SGK3: variants seen among roughly 807,000 people sequenced by gnomAD.
SGK3 encodes serine/threonine-protein kinase Sgk3.
In SGK3, 47 loss-of-function variants were observed where a neutral mutation model predicts 68.5. That is an observed-to-expected ratio of 0.69 (90% CI 0.54 to 0.87). The LOEUF is 0.87. Among genes scored for constraint, SGK3 ranks in the 40% least tolerant of loss-of-function variants. SGK3 has a pLI of 0.00. For synonymous variants in SGK3, 181 were observed against 189.1 expected (o/e 0.96, Z 0.35); for missense variants, 479 against 575.5 (o/e 0.83, Z 1.72).
intron 3 of SGK3, among the ~76,000 whole-genome samples, chr8:66,800,061 G>A (rs1462390963): frequency 6.6e-6 from 1 of 152,054 alleles, no homozygotes; most frequent in Admixed American, 6.5e-5. Flanking sequence ...GGAATTTTGG[G>A]CCAGGCACGG....
intron 1 of SGK3, among the ~76,000 whole-genome samples, chr8:66,717,411 C>A (rs1024467373): frequency 6.6e-6 from 1 of 152,042 alleles, no homozygotes; most frequent in Non-Finnish European, 1.5e-5. Context: ...TGCCTGTAAT[C>A]CCAGCTACTG....
chr8:66,808,544 G>A (rs113145829), intron 4 of SGK3, among the ~76,000 whole-genome samples: 1 of 145,792 alleles, frequency 6.9e-6, no homozygotes, highest in South Asian at 2.1e-4. Flanking sequence ...ATGGAGTTTC[G>A]CTCTCATTGC....
intron 16 of SGK3, among the ~76,000 whole-genome samples, chr8:66,858,445 G>A (rs1214231378): frequency 6.7e-6 from 1 of 149,972 alleles, no homozygotes; most frequent in Non-Finnish European, 1.5e-5. Context: ...CAGCCTGGGT[G>A]ACAGAGCGAG....
intron 3 of SGK3, among the ~76,000 whole-genome samples, chr8:66,799,541 C>A (rs1462031588): frequency 6.6e-6 from 1 of 152,216 alleles, no homozygotes. Context: ...TATGGAACTC[C>A]AGGTCATTAA....
chr8:66,795,659 C>A (rs1377118814), intron 2 of SGK3, among the ~76,000 whole-genome samples: 1 of 152,086 alleles, frequency 6.6e-6, no homozygotes, highest in Non-Finnish European at 1.5e-5. Context: ...GTCGAGGAGA[C>A]CTGTAGCATT....
chr8:66,847,203 A>G lies in SGK3; in HGVS notation c.1085A>G (p.Tyr362Cys), dbSNP rs766570570. ...TTTTTTTTTTTCCAGCCTCCTTTTT[A>G]TTGCCGAGATGTTGCTGAAATGTAT... ...YEMLYGLPPFYCRDVAEMYDN... is the reference protein window; with the variant it reads ...YEMLYGLPPFCCRDVAEMYDN... The change falls in exon 15 of 17, where the codon TAT (tyrosine) becomes TGT (cysteine). Residue 362 changes from tyrosine to cysteine, a missense_variant. By Grantham distance (194) the Tyr-to-Cys change is radical (BLOSUM62 -2). Transcript: ENST00000521198. 6.4e-7 allele frequency: 1 copy of G among 1,561,108 alleles called. No individual in the cohort carries two copies. Among genetic ancestry groups the G allele is most frequent in the South Asian group, 1.2e-5 (1 of 81,782 alleles).
intron 5 of SGK3, among the ~76,000 whole-genome samples, chr8:66,817,659 C>A (rs1309033188): frequency 6.6e-6 from 1 of 151,990 alleles, no homozygotes; most frequent in Non-Finnish European, 1.5e-5. Context: ...GCCAAAAAAG[C>A]TAATTTTTAA....
Position 66,860,431 on chromosome 8 carries a change from GCAA to G in SGK3, c.*854_*856del, listed in dbSNP as rs1346687679. The G allele has an allele frequency of 6.6e-6, 1 of 152,214 alleles. No homozygotes were observed. Among genetic ancestry groups the G allele is most frequent in the African/African-American group, 2.4e-5 (1 of 41,498 alleles). The allele number at this position is 152,214 out of a possible 1,614,324, so 9.4% of individuals were successfully genotyped here. A position where few individuals can be genotyped will look rare whatever the true frequency, so the allele number is the denominator to read the frequency against. The stretch of plus-strand genomic sequence containing the variant: ...ATCGCACCATTGCACTCCTGCCTGG[GCAA>G]CAAGAGTGAAACTCCATCTCCAAAA... On this transcript the variant is annotated 3_prime_UTR_variant, in exon 17 of 17. Coordinates refer to ENST00000521198, the MANE Select transcript of SGK3 (RefSeq NM_001033578.3).
intron 1 of SGK3, among the ~76,000 whole-genome samples, chr8:66,771,341 G>A (rs1366760318): frequency 6.6e-6 from 1 of 152,182 alleles, no homozygotes; most frequent in Non-Finnish European, 1.5e-5. Context: ...CAGAACTCTG[G>A]GGCCTCCCTG....
At chr8:66,840,941 C>CAAAA in intron 12 of SGK3, 83 bp from the exon 13 acceptor site, 22 of 764,692 alleles carry the variant, frequency 2.9e-5, no homozygotes, top group Non-Finnish European at 3.7e-5. Context: ...GACTCTGTTT[C>CAAAA]AAAAAAAAAA....
intron 2 of SGK3, among the ~76,000 whole-genome samples, chr8:66,796,148 A>AT (rs1807672825): frequency 6.6e-6 from 1 of 150,684 alleles, no homozygotes; most frequent in Non-Finnish European, 1.5e-5. Context: ...TATTTTATTT[A>AT]TTTTTTTGAG....
At chr8:66,843,772 T>C (rs1274496716) in intron 14 of SGK3, among the ~76,000 whole-genome samples, 2 of 152,130 alleles carry the variant, frequency 1.3e-5, no homozygotes, top group Non-Finnish European at 2.9e-5. Flanking sequence ...GGCAGGCAGA[T>C]CACTTGAGGC....
intron 1 of SGK3, chr8:66,767,328 C>CT (rs961476076): frequency 1.1e-6 from 1 of 946,688 alleles, no homozygotes; most frequent in Non-Finnish European, 1.6e-6. Flanking sequence ...AAGTATATAT[C>CT]TTTTTTTCTG....
Position 66,841,006 on chromosome 8 carries a change from T to C in SGK3, c.892-18T>C. 1 of 1,546,172 alleles carries C rather than the reference T, an allele frequency of 6.5e-7. No individual in the cohort carries two copies. Among genetic ancestry groups the C allele is most frequent in the East Asian group, 2.3e-5 (1 of 43,186 alleles). On this transcript the variant is annotated intron_variant, in intron 12 of 16. Coordinates refer to ENST00000521198, the MANE Select transcript of SGK3 (RefSeq NM_001033578.3). The stretch of plus-strand genomic sequence containing the variant: ...ATATTTATGCATTGTTTTATCTTAC[T>C]GCCCCTGTATTTGTCAGGGACATGT...
chr8:66,719,167 T>C (rs1005240038), intron 1 of SGK3, among the ~76,000 whole-genome samples: 1 of 152,198 alleles, frequency 6.6e-6, no homozygotes, highest in African/African-American at 2.4e-5. Flanking sequence ...TAATTTTATC[T>C]ACAGAGATTA....
intron 1 of SGK3, among the ~76,000 whole-genome samples, chr8:66,718,460 T>TGC (rs1441283266): frequency 1.4e-5 from 2 of 145,648 alleles, no homozygotes; most frequent in African/African-American, 4.9e-5. Flanking sequence ...TGTGTGTGTG[T>TGC]GTGTGTGTGT....
At chr8:66,749,042 G>T (rs113441590) in intron 1 of SGK3, among the ~76,000 whole-genome samples, 4 of 152,026 alleles carry the variant, frequency 2.6e-5, no homozygotes, top group African/African-American at 7.2e-5. Context: ...GACTACAGGC[G>T]TGCATCACCA....
At chr8:66,758,354 A>G (rs1181408244) in intron 1 of SGK3, among the ~76,000 whole-genome samples, 1 of 152,154 alleles carries the variant, frequency 6.6e-6, no homozygotes, top group African/African-American at 2.4e-5. Context: ...ACTCTGTCTC[A>G]AAAACAAACA....
intron 5 of SGK3, among the ~76,000 whole-genome samples, chr8:66,820,383 C>T (rs1251793293): frequency 6.6e-6 from 1 of 152,130 alleles, no homozygotes; most frequent in African/African-American, 2.4e-5. Context: ...TGTGTTAGTG[C>T]TCTTCGTTCC....
Sources: allele counts gnomAD v4.1 joint callset (sites outside exome capture counted in the v4.1 genomes callset), GRCh38; gene constraint gnomAD v4.1.1; transcripts MANE v1.5; gene names NCBI Gene and HGNC (gene_info 2026-07-23, HGNC 2026-07-21).